The following MMP14 variants were observed in gnomAD, a reference collection of about 807,000 sequenced individuals.
MMP14 encodes matrix metalloproteinase-14.
In MMP14, 13 loss-of-function variants were observed where a neutral mutation model predicts 64.8. That is an observed-to-expected ratio of 0.20 (90% CI 0.13 to 0.32). MMP14 has a LOEUF of 0.32. Ranked by LOEUF, MMP14 falls within the 10% of genes least tolerant of loss-of-function variation. The pLI, the probability that MMP14 is intolerant of heterozygous loss-of-function variation, is 1.00. For synonymous variants in MMP14, 322 were observed against 315.9 expected (o/e 1.02, Z -0.20); for missense variants, 594 against 783.8 (o/e 0.76, Z 2.89).
intron 1 of MMP14, among the ~76,000 whole-genome samples, chr14:22,837,606 G>A (rs1050237846): frequency 6.6e-6 from 1 of 152,258 alleles, no homozygotes; most frequent in African/African-American, 2.4e-5. Context: ...GCGATCGGCC[G>A]GGTCGCTGCC....
At position 22,842,771 on chromosome 14, in the gene MMP14, G is replaced by A. The variant is rs1004216457; in HGVS notation, c.688+54G>A. 2.0e-6 allele frequency: 3 copies of A among 1,534,682 alleles called. No individual in the cohort carries two copies. Among genetic ancestry groups the A allele is most frequent in the African/African-American group, 2.7e-5 (2 of 72,948 alleles). ...TGGAAAAAGCCAACAGTCATTTGTAGGGGTGGTTCCCCTCCCTCCTTCCAA... is the reference window on the plus strand; with the variant it reads ...TGGAAAAAGCCAACAGTCATTTGTAAGGGTGGTTCCCCTCCCTCCTTCCAA... On this transcript the variant is annotated intron_variant, in intron 4 of 9. Transcript: ENST00000311852. This position sits in a 1 kb window ranked among gnomAD's most constrained non-coding sequence, Gnocchi z 5.3.
rs150346850 is a variant in MMP14, at chr14:22,845,855, C to T, written c.1565C>T (p.Thr522Met). ...GRPDEGTEEE[T>M]EVIIIEVDEE... Reference sequence around the variant, plus strand: ...CCGGATGAGGGGACTGAGGAGGAGACGGAGGTGATCATCATTGAGGTGGAC... The same window carrying T: ...CCGGATGAGGGGACTGAGGAGGAGATGGAGGTGATCATCATTGAGGTGGAC... Residue 522 changes from threonine to methionine, a missense_variant, in exon 10 of 10, where the codon ACG becomes ATG. Around this residue, in one of 4 missense-constraint regions of MMP14, gnomAD observed 364 missense variants for 425.2 expected, o/e 0.86. Transcript: ENST00000311852. The T allele has an allele frequency of 1.1e-5, 17 of 1,614,006 alleles. No homozygotes were observed. The highest frequency in any genetic ancestry group is 5.3e-5 in the African/African-American group (4 of 74,924).
intron 6 of MMP14, among the ~76,000 whole-genome samples, 199 bp from the exon 7 acceptor site, chr14:22,844,172 G>C (rs2039794511): frequency 6.7e-6 from 1 of 150,288 alleles, no homozygotes; most frequent in Admixed American, 6.6e-5. Context: ...ACTCCAGCCT[G>C]GACAACAGTG....
Position 22,843,497 on chromosome 14 carries a change from C to T in MMP14, c.850+79C>T. 1 of 1,528,266 alleles carries T rather than the reference C, an allele frequency of 6.5e-7. No homozygotes were observed. Among genetic ancestry groups the T allele is most frequent in the Non-Finnish European group, 8.9e-7 (1 of 1,125,036 alleles). 94.7% of individuals were successfully genotyped at this position (1,528,266 alleles called of 1,614,324 possible). A position where few individuals can be genotyped will look rare whatever the true frequency, so the allele number is the denominator to read the frequency against. ...GTCTACGCATTTCCCCTCTTTTATG[C>T]CTTGCAGTCTCCGCACCGCCCCCTG... is the stretch of plus-strand genomic sequence containing the variant. On this transcript the variant is annotated intron_variant, in intron 5 of 9. Transcript: ENST00000311852. This position sits in a 1 kb window ranked among gnomAD's most constrained non-coding sequence, Gnocchi z 4.8.
chr14:22,845,512 C>T, intron 9 of MMP14, 146 bp downstream of exon 9: 2 of 833,216 alleles, frequency 2.4e-6, no homozygotes, highest in Admixed American at 2.5e-5. Flanking sequence ...GGTGCTTCCA[C>T]ACGTGGTGCC....
chr14:22,839,166 G>T (rs947107821), intron 1 of MMP14, among the ~76,000 whole-genome samples: 10 of 152,178 alleles, frequency 6.6e-5, no homozygotes, highest in Non-Finnish European at 1.5e-4. Context: ...GGTTGACGGG[G>T]CCTGGCCTCA....
At chr14:22,841,844 C>A in intron 2 of MMP14, 69 bp from the exon 3 acceptor site, 1 of 1,603,418 alleles carries the variant, frequency 6.2e-7, no homozygotes, top group Non-Finnish European at 8.5e-7. Context: ...TTACCCAACA[C>A]TGATCGTGGA....
chr14:22,843,458 C>G lies in MMP14; in HGVS notation c.850+40C>G, dbSNP rs767669970. 6.3e-7 allele frequency: 1 copy of G among 1,592,780 alleles called. No homozygotes were observed. Among genetic ancestry groups the G allele is most frequent in the Non-Finnish European group, 8.6e-7 (1 of 1,167,502 alleles). ...CCCACGCCTGCTCCCTCCTCTGCTG[C>G]TTGTTCCCTCCTGGTCTACGCATTT... is the stretch of plus-strand genomic sequence containing the variant. On this transcript the variant is annotated intron_variant, in intron 5 of 9. Coordinates refer to ENST00000311852, the MANE Select transcript of MMP14 (RefSeq NM_004995.4). The surrounding 1 kb of genome is among the most constrained non-coding windows in gnomAD (Gnocchi z 4.8).
In MMP14 at chr14:22,836,653, A is replaced by C; in HGVS notation, c.-165A>C. 1 of 514,400 alleles carries C rather than the reference A, an allele frequency of 1.9e-6. No homozygotes were observed. Among genetic ancestry groups the C allele is most frequent in the East Asian group, 3.2e-5 (1 of 30,802 alleles). 31.9% of individuals were successfully genotyped at this position (514,400 alleles called of 1,614,324 possible). A position where few individuals can be genotyped will look rare whatever the true frequency, so the allele number is the denominator to read the frequency against. The stretch of plus-strand genomic sequence containing the variant: ...GAAAAGAGGAGAAGAGCAAACAGGC[A>C]CTTTGAGGAACAATCCCCTTTAACT... On this transcript the variant is annotated 5_prime_UTR_variant, in exon 1 of 10. Coordinates refer to ENST00000311852, the MANE Select transcript of MMP14 (RefSeq NM_004995.4).
intron 1 of MMP14, among the ~76,000 whole-genome samples, chr14:22,838,918 GTCCTTCATTTGACTGA>G: frequency 6.6e-6 from 1 of 152,202 alleles, no homozygotes; most frequent in African/African-American, 2.4e-5. Context: ...CTCCAGGGAA[GTCCTTCATTTGACTGA>G]GCCTTCATTT....
In MMP14 at chr14:22,844,792, A is replaced by G. The variant is rs2039800437; in HGVS notation, c.1301+12A>G. On this transcript the variant is annotated intron_variant, in intron 8 of 9. Transcript: ENST00000311852. Reference sequence around the variant, plus strand: ...TTCCGTGGAAACAAGTAAGACCTCAACCCCTTAACCCCAGGCCTCCCTCAG... The same window carrying G: ...TTCCGTGGAAACAAGTAAGACCTCAGCCCCTTAACCCCAGGCCTCCCTCAG... 1 of 1,613,604 alleles carries G rather than the reference A, an allele frequency of 6.2e-7. No homozygotes were observed. The highest frequency in any genetic ancestry group is 1.7e-5 in the Admixed American group (1 of 59,948).
Position 22,845,335 on chromosome 14 carries a change from T to C in MMP14, c.1386T>C (p.Ser462=). 6.2e-7 allele frequency: 1 copy of C among 1,611,992 alleles called. No homozygotes were observed. Among genetic ancestry groups the C allele is most frequent in the Non-Finnish European group, 8.5e-7 (1 of 1,178,950 alleles). The change falls in exon 9 of 10, where the codon TCT becomes TCC. Residue 462 remains serine (S), a synonymous_variant. Coordinates refer to ENST00000311852, the MANE Select transcript of MMP14 (RefSeq NM_004995.4). ...NIKVWEGIPE[S]PRGSFMGSDE... is the part of the protein sequence containing the mutation. ...AAGTCTGGGAAGGGATCCCTGAGTCTCCCAGAGGGTCATTCATGGGCAGCG... is the reference window on the plus strand; with the variant it reads ...AAGTCTGGGAAGGGATCCCTGAGTCCCCCAGAGGGTCATTCATGGGCAGCG...
chr14:22,841,745 A>G, intron 2 of MMP14, 106 bp downstream of exon 2: 1 of 1,552,100 alleles, frequency 6.4e-7, no homozygotes, highest in African/African-American at 1.4e-5. Context: ...ACTCCCCCAT[A>G]TCTCATCCCC....
chr14:22,836,748 C>T lies in MMP14; in HGVS notation c.-70C>T. The T allele has an allele frequency of 1.1e-6, 1 of 884,330 alleles. No individual in the cohort carries two copies. The highest frequency in any genetic ancestry group is 1.7e-6 in the Non-Finnish European group (1 of 592,546). The allele number at this position is 884,330 out of a possible 1,614,324, so 54.8% of individuals were successfully genotyped here. A position where few individuals can be genotyped will look rare whatever the true frequency, so the allele number is the denominator to read the frequency against. On this transcript the variant is annotated 5_prime_UTR_variant, in exon 1 of 10. Transcript: ENST00000311852. Reference sequence around the variant, plus strand: ...AGACAAAGGCGCCCCGAGGGAGTGGCGGTGCGACCCCAGGGCGTGGGCCCG... The same window carrying T: ...AGACAAAGGCGCCCCGAGGGAGTGGTGGTGCGACCCCAGGGCGTGGGCCCG...
chr14:22,836,956 C>A, intron 1 of MMP14, 31 bp downstream of exon 1: 2 of 1,571,368 alleles, frequency 1.3e-6, no homozygotes, highest in African/African-American at 1.4e-5. Context: ...TTCCCGGAGT[C>A]GCGCCCGCCG....
chr14:22,838,707 T>C (rs2039752149), intron 1 of MMP14, among the ~76,000 whole-genome samples: 1 of 151,834 alleles, frequency 6.6e-6, no homozygotes, highest in Admixed American at 6.6e-5. Context: ...GCCTCCAGAG[T>C]CCTGCACCAG....
At chr14:22,837,122 C>T (rs2039739216) in intron 1 of MMP14, 197 bp downstream of exon 1, 1 of 689,042 alleles carries the variant, frequency 1.5e-6, no homozygotes, top group Non-Finnish European at 2.7e-6. Flanking sequence ...CCGCTTCCAA[C>T]CAGCTGCCCC....
At position 22,842,556 on chromosome 14, in the gene MMP14, A is replaced by T. The variant is rs1485216160; in HGVS notation, c.527A>T (p.Asp176Val). The change falls in exon 4 of 10, where the codon GAC (aspartate) becomes GTC (valine). Residue 176 changes from aspartate (D) to valine (V), a missense_variant. Around this residue, in one of 4 missense-constraint regions of MMP14, gnomAD observed 179 missense variants for 283.4 expected, o/e 0.63. Coordinates refer to ENST00000311852, the MANE Select transcript of MMP14 (RefSeq NM_004995.4). This position sits in a 1 kb window ranked among gnomAD's most constrained non-coding sequence, Gnocchi z 5.3. The stretch of plus-strand genomic sequence containing the variant: ...CGTGAGGGCCATGAGAAGCAGGCCG[A>T]CATCATGATCTTCTTTGCCGAGGGC... The part of the protein sequence containing the change: ...YIREGHEKQA[D>V]IMIFFAEGFH... 1 of 1,614,050 alleles carries T rather than the reference A, an allele frequency of 6.2e-7. No homozygotes were observed. The highest frequency in any genetic ancestry group is 1.1e-5 in the South Asian group (1 of 91,086).
chr14:22,845,566 C>A, intron 9 of MMP14, 142 bp from the exon 10 acceptor site: 2 of 980,418 alleles, frequency 2.0e-6, no homozygotes, highest in Non-Finnish European at 3.1e-6. Context: ...TAAGCACCCC[C>A]ATTTTACAGC....
Sources: allele counts gnomAD v4.1 joint callset (sites outside exome capture counted in the v4.1 genomes callset), GRCh38; gene constraint gnomAD v4.1.1; regional missense constraint gnomAD v4.1.1; non-coding constraint Gnocchi (gnomAD v3.1); transcripts MANE v1.5; gene names NCBI Gene and HGNC (gene_info 2026-07-23, HGNC 2026-07-21).